The following FAM117B variants were observed in gnomAD, a reference collection of about 807,000 sequenced individuals.
The protein encoded by FAM117B is family with sequence similarity 117 member B, also known as protein FAM117B.
FAM117B carries 22 observed loss-of-function variants against 52.8 expected under a neutral mutation model. That is an observed-to-expected ratio of 0.42 (90% CI 0.30 to 0.59). The LOEUF is 0.59. Ranked by LOEUF, FAM117B falls within the 20% of genes least tolerant of loss-of-function variation. FAM117B has a pLI of 0.22. For missense variants in FAM117B, 678 were observed against 802.6 expected, an observed-to-expected ratio of 0.84 and a Z score of 1.88; for synonymous variants, 309 against 324.1, an observed-to-expected ratio of 0.95 and a Z score of 0.50.
chr2:202,673,201 A>G (rs1690323843), intron 1 of FAM117B, among the ~76,000 whole-genome samples: 1 of 152,022 alleles, frequency 6.6e-6, no homozygotes, highest in Admixed American at 6.6e-5. Context: ...TTGTTTTTTA[A>G]TTGTTTGCAA....
chr2:202,759,102 CATT>C, intron 6 of FAM117B, 128 bp from the exon 7 acceptor site: 2 of 926,248 alleles, frequency 2.2e-6, no homozygotes, highest in Non-Finnish European at 3.2e-6. Flanking sequence ...ATTTAACAAA[CATT>C]AATTATCTCC....
intron 6 of FAM117B, 101 bp downstream of exon 6, chr2:202,757,539 A>T (rs1288438375): frequency 8.0e-7 from 1 of 1,246,156 alleles, no homozygotes; most frequent in African/African-American, 1.5e-5. Context: ...ACTCGAGGCT[A>T]CTCAGTTAAT....
rs78534589 is a variant in FAM117B at position 202,670,237 on chromosome 2, A to C, written c.602-25644A>C. Among the ~76,000 whole-genome samples, 325 of 152,212 alleles carry C rather than the reference A, an allele frequency of 2.1e-3. 10 individuals carry two copies. The East Asian group carries it at 0.047, about 22-fold the overall frequency. ...GGGCAAAAATGAAAAGAGAAATAAGACACATCAAGCTTCTGTCCTCAAGGA... is the reference window on the plus strand; with the variant it reads ...GGGCAAAAATGAAAAGAGAAATAAGCCACATCAAGCTTCTGTCCTCAAGGA... On this transcript the variant is annotated intron_variant, in intron 1 of 7. Transcript: ENST00000392238.
intron 2 of FAM117B, among the ~76,000 whole-genome samples, chr2:202,721,395 C>T (rs540529026): frequency 4.6e-5 from 7 of 151,920 alleles, no homozygotes; most frequent in Non-Finnish European, 1.0e-4. Flanking sequence ...TGTTTCTATC[C>T]TCTGTTTTAC....
At chr2:202,678,660 A>G (rs1690414765) in intron 1 of FAM117B, among the ~76,000 whole-genome samples, 1 of 152,152 alleles carries the variant, frequency 6.6e-6, no homozygotes, top group African/African-American at 2.4e-5. Context: ...CTCGGCTTCA[A>G]ACAATTCTGC....
intron 1 of FAM117B, among the ~76,000 whole-genome samples, chr2:202,694,365 A>G (rs1400290973): frequency 1.3e-5 from 2 of 151,094 alleles, no homozygotes; most frequent in African/African-American, 4.9e-5. Flanking sequence ...TAATTTTTGT[A>G]TTTTTAGTAG....
intron 1 of FAM117B, among the ~76,000 whole-genome samples, chr2:202,671,306 G>A (rs1690296016): frequency 6.6e-6 from 1 of 152,232 alleles, no homozygotes; most frequent in Admixed American, 6.5e-5. Flanking sequence ...TAATAAGCGT[G>A]CTTTAATAAG....
At chr2:202,739,247 G>A (rs1275735369) in intron 4 of FAM117B, among the ~76,000 whole-genome samples, 1 of 152,066 alleles carries the variant, frequency 6.6e-6, no homozygotes, top group Non-Finnish European at 1.5e-5. Flanking sequence ...CCCTAACTTT[G>A]AATGTTAATA....
chr2:202,687,974 G>A (rs1408467863), intron 1 of FAM117B, among the ~76,000 whole-genome samples: 3 of 152,098 alleles, frequency 2.0e-5, no homozygotes, highest in Non-Finnish European at 4.4e-5. Context: ...GAAATAACTG[G>A]AGAAGATGCA....
chr2:202,640,067 C>T (rs1334731148), intron 1 of FAM117B, among the ~76,000 whole-genome samples: 5 of 151,520 alleles, frequency 3.3e-5, no homozygotes, highest in African/African-American at 7.3e-5. Context: ...GTCAGGAGTT[C>T]GAGACCAGCC....
intron 1 of FAM117B, among the ~76,000 whole-genome samples, chr2:202,673,652 TAGTC>T (rs1203136104): frequency 2.0e-5 from 3 of 151,826 alleles, no homozygotes; most frequent in African/African-American, 7.3e-5. Context: ...TTCACCATAT[TAGTC>T]AGGCTGGTCT....
chr2:202,640,364 G>GT (rs1229352975), intron 1 of FAM117B, among the ~76,000 whole-genome samples: 1 of 122,044 alleles, frequency 8.2e-6, no homozygotes, highest in African/African-American at 3.2e-5. Context: ...GTTCTTGCTA[G>GT]TTTCCCCCTT....
chr2:202,696,600 T>C (rs187902127), intron 2 of FAM117B, among the ~76,000 whole-genome samples: 22 of 152,312 alleles, frequency 1.4e-4, no homozygotes, highest in Non-Finnish European at 2.5e-4. Context: ...CAGCAAAGAT[T>C]AGTGACCATC....
In FAM117B at chr2:202,644,641, A is replaced by G. The variant is rs143975132; in HGVS notation, c.601+8853A>G. ...TTGAGAGAGGATACATGGGAGGTAT[A>G]TGTTATACCCAGACCTTGAATATCT... On this transcript the variant is annotated intron_variant, in intron 1 of 7. Coordinates refer to ENST00000392238, the MANE Select transcript of FAM117B (RefSeq NM_173511.4). 5.7e-3 allele frequency among the ~76,000 whole-genome samples: 863 copies of G among 152,338 alleles called. 4 individuals are homozygous for G. Among genetic ancestry groups the G allele is most frequent in the South Asian group, 0.014 (70 of 4,828 alleles).
chr2:202,636,235 A>C (rs1403192927), intron 1 of FAM117B, among the ~76,000 whole-genome samples: 1 of 152,218 alleles, frequency 6.6e-6, no homozygotes, highest in Non-Finnish European at 1.5e-5. Flanking sequence ...TCTGTTCACA[A>C]AACAGTTTCA....
chr2:202,636,523 T>C (rs928398003), intron 1 of FAM117B, among the ~76,000 whole-genome samples: 1 of 152,240 alleles, frequency 6.6e-6, no homozygotes, highest in Non-Finnish European at 1.5e-5. Context: ...GTTGTTTTTC[T>C]GTTTACCTGG....
chr2:202,647,352 C>G (rs1286479986), intron 1 of FAM117B, among the ~76,000 whole-genome samples: 1 of 152,062 alleles, frequency 6.6e-6, no homozygotes, highest in African/African-American at 2.4e-5. Flanking sequence ...TTCTTGGTCT[C>G]TATTCTAGAC....
At chr2:202,751,112 A>G (rs1691714213) in intron 4 of FAM117B, among the ~76,000 whole-genome samples, 1 of 152,224 alleles carries the variant, frequency 6.6e-6, no homozygotes, top group Admixed American at 6.5e-5. Flanking sequence ...AGACATATAG[A>G]TAAGCTTTAG....
At chr2:202,717,194 T>G (rs1574567549) in intron 2 of FAM117B, among the ~76,000 whole-genome samples, 1 of 152,174 alleles carries the variant, frequency 6.6e-6, no homozygotes, top group South Asian at 2.1e-4. Flanking sequence ...GTTGGCTGGG[T>G]GCAGTGGCTG....
Sources: allele counts gnomAD v4.1 joint callset (sites outside exome capture counted in the v4.1 genomes callset), GRCh38; gene constraint gnomAD v4.1.1; transcripts MANE v1.5; gene names NCBI Gene and HGNC (gene_info 2026-07-23, HGNC 2026-07-21).